The following DMRT1 variants were observed in gnomAD, a reference collection of about 807,000 sequenced individuals.
DMRT1 encodes the protein doublesex- and mab-3-related transcription factor 1.
Under a neutral mutation model 32.3 loss-of-function variants are expected in DMRT1, and 7 were observed. The ratio of observed to expected loss-of-function variants is 0.22; its 90% CI spans 0.12 to 0.41. DMRT1 has a LOEUF of 0.41. Ranked by LOEUF, DMRT1 falls within the 10% of genes least tolerant of loss-of-function variation. The pLI is 1.00. For synonymous variants in DMRT1, 278 were observed against 206.1 expected (o/e 1.35, Z -2.99); for missense variants, 625 against 500.5 (o/e 1.25, Z -2.37).
In DMRT1 at chr9:937,459, G is replaced by C. The variant is rs544904957; in HGVS notation, c.967+20552G>C. ...AGTGTCAGCATGATTTTACATTCCAGTCAGCAGTGCATGATGGTTCAACTT... is the reference window on the plus strand; with the variant it reads ...AGTGTCAGCATGATTTTACATTCCACTCAGCAGTGCATGATGGTTCAACTT... On this transcript the variant is annotated intron_variant, in intron 4 of 4. Transcript: ENST00000382276. Among the ~76,000 whole-genome samples, 5 of 152,348 alleles carry C rather than the reference G, an allele frequency of 3.3e-5. No individual in the cohort carries two copies. The South Asian group carries it at 1.0e-3, about 32-fold the overall frequency.
At chr9:919,461 G>T (rs565560106) in intron 4 of DMRT1, among the ~76,000 whole-genome samples, 1 of 152,108 alleles carries the variant, frequency 6.6e-6, no homozygotes, top group Non-Finnish European at 1.5e-5. Flanking sequence ...TCCTTTTGTC[G>T]TGTTACTGCT....
At chr9:849,085 C>T (rs1475317768) in intron 2 of DMRT1, among the ~76,000 whole-genome samples, 1 of 151,372 alleles carries the variant, frequency 6.6e-6, no homozygotes, top group African/African-American at 2.4e-5. Context: ...TTTTCACAAA[C>T]GTCTCAGGAG....
intron 3 of DMRT1, among the ~76,000 whole-genome samples, chr9:913,457 A>G (rs1201595721): frequency 2.0e-5 from 3 of 152,164 alleles, no homozygotes; most frequent in Admixed American, 1.3e-4. Context: ...GTAGATGGCA[A>G]CAGACCCCTG....
Position 919,288 on chromosome 9 carries a change from A to G in DMRT1, c.967+2381A>G, listed in dbSNP as rs553374292. Among the ~76,000 whole-genome samples, 217 of 152,146 alleles carry G rather than the reference A, an allele frequency of 1.4e-3. 1 individual carries two copies. Among genetic ancestry groups the G allele is most frequent in the African/African-American group, 5.0e-3 (208 of 41,496 alleles). On this transcript the variant is annotated intron_variant, in intron 4 of 4. Transcript: ENST00000382276. ...AAGTATAAATTTGCCCATTAAATCTATGTTCTTCAGTTTCTTTAAAAATAA... is the reference window on the plus strand; with the variant it reads ...AAGTATAAATTTGCCCATTAAATCTGTGTTCTTCAGTTTCTTTAAAAATAA...
Position 930,341 on chromosome 9 carries a change from T to C in DMRT1, c.967+13434T>C, listed in dbSNP as rs1441704160. The stretch of plus-strand genomic sequence containing the variant: ...CTGAATTCCTTGGCTCAAGTGATCC[T>C]CCTGCCTCAGCCTCTCAAGTAGATA... On this transcript the variant is annotated intron_variant, in intron 4 of 4. Coordinates refer to ENST00000382276, the MANE Select transcript of DMRT1 (RefSeq NM_021951.3). Among the ~76,000 whole-genome samples, 3 of 152,066 alleles carry C rather than the reference T, an allele frequency of 2.0e-5. No individual in the cohort carries two copies. The East Asian group carries it at 5.8e-4, about 29-fold the overall frequency.
intron 2 of DMRT1, among the ~76,000 whole-genome samples, chr9:859,805 G>T (rs1815574020): frequency 6.6e-6 from 1 of 152,154 alleles, no homozygotes; most frequent in African/African-American, 2.4e-5. Flanking sequence ...GGCAAGTTGT[G>T]AAAAGAAAAT....
chr9:966,796 A>C (rs143685635), intron 4 of DMRT1, among the ~76,000 whole-genome samples: 1 of 152,218 alleles, frequency 6.6e-6, no homozygotes, highest in African/African-American at 2.4e-5. Context: ...TCCAAACATA[A>C]TAAGTATTGA....
intron 2 of DMRT1, among the ~76,000 whole-genome samples, chr9:857,485 G>T (rs945383890): frequency 7.5e-4 from 114 of 152,160 alleles, no homozygotes; most frequent in African/African-American, 2.6e-3. Flanking sequence ...CTGTATTATT[G>T]GTTGGTAGAA....
chr9:874,499 C>G (rs1017909528), intron 2 of DMRT1, among the ~76,000 whole-genome samples: 2 of 152,114 alleles, frequency 1.3e-5, no homozygotes, highest in Admixed American at 6.6e-5. Flanking sequence ...ATGAGGCACA[C>G]ACAAGCCTTA....
intron 3 of DMRT1, 60 bp from the exon 4 acceptor site, chr9:916,703 T>G: frequency 5.7e-6 from 9 of 1,567,612 alleles, no homozygotes; most frequent in Non-Finnish European, 7.9e-6. Context: ...TAGATAATTA[T>G]TGTACTAGTT....
At position 894,018 on chromosome 9, in the gene DMRT1, G is replaced by T; in HGVS notation, c.645G>T (p.Gln215His). The T allele has an allele frequency of 6.2e-7, 1 of 1,614,212 alleles. No individual in the cohort carries two copies. Among genetic ancestry groups the T allele is most frequent in the Non-Finnish European group, 8.5e-7 (1 of 1,180,044 alleles). Residue 215 changes from glutamine (Q) to histidine (H), a missense_variant, in exon 3 of 5, where the codon CAG becomes CAT. Around this residue, in one of 3 missense-constraint regions of DMRT1, gnomAD observed 416 missense variants for 321.6 expected, o/e 1.29. Transcript: ENST00000382276. ...CCACCTACTACAGCAGCTTCTACCAGCCGTCTCTGTTTCCTTATTACAACA... is the reference window on the plus strand; with the variant it reads ...CCACCTACTACAGCAGCTTCTACCATCCGTCTCTGTTTCCTTATTACAACA... ...SDSTYYSSFY[Q>H]PSLFPYYNNL...
In DMRT1 at chr9:864,292, C is replaced by T. The variant is rs555691729; in HGVS notation, c.538+17149C>T. 1.9e-3 allele frequency among the ~76,000 whole-genome samples: 268 copies of T among 138,506 alleles called. 4 individuals are homozygous for T. Among genetic ancestry groups the T allele is most frequent in the Non-Finnish European group, 2.4e-3 (153 of 64,090 alleles). The allele number at this position is 138,506 out of a possible 152,430, so 90.9% of individuals were successfully genotyped here. On this transcript the variant is annotated intron_variant, in intron 2 of 4. Transcript: ENST00000382276. ...TGATCTCGGCTCACTGCAGCCTCTG[C>T]CTCTCAGGTTCAAGCGATTCTCCAC... is the stretch of plus-strand genomic sequence containing the variant.
At chr9:847,179 G>C (rs1185938578) in intron 2 of DMRT1, 36 bp downstream of exon 2, 18 of 1,604,664 alleles carry the variant, frequency 1.1e-5, no homozygotes, top group Non-Finnish European at 1.5e-5. Context: ...ATGGAGGCTG[G>C]GCATGAGGGA....
chr9:867,807 G>T (rs1164210046), intron 2 of DMRT1, among the ~76,000 whole-genome samples: 1 of 152,012 alleles, frequency 6.6e-6, no homozygotes. Context: ...GATGTCCAAG[G>T]CTCCCTTTGC....
intron 4 of DMRT1, among the ~76,000 whole-genome samples, chr9:951,901 T>A (rs1197000080): frequency 6.6e-6 from 1 of 152,212 alleles, no homozygotes; most frequent in Admixed American, 6.5e-5. Context: ...ACTTACTGAT[T>A]ATCTGCTCTC....
chr9:889,333 T>A (rs1027641804), intron 2 of DMRT1, among the ~76,000 whole-genome samples: 12 of 152,226 alleles, frequency 7.9e-5, no homozygotes, highest in African/African-American at 2.7e-4. Context: ...TGGTTAAACA[T>A]TTTAACAGCG....
At chr9:944,837 G>A (rs780770175) in intron 4 of DMRT1, among the ~76,000 whole-genome samples, 1 of 151,962 alleles carries the variant, frequency 6.6e-6, no homozygotes, top group Non-Finnish European at 1.5e-5. Context: ...TCAAACATAG[G>A]CACTATCGTG....
At chr9:903,021 C>T (rs142102727) in intron 3 of DMRT1, among the ~76,000 whole-genome samples, 2 of 152,184 alleles carry the variant, frequency 1.3e-5, no homozygotes, top group African/African-American at 4.8e-5. Flanking sequence ...TTAAAGCTGT[C>T]ATGTTCCCTG....
chr9:842,494 C>G (rs370876706), intron 1 of DMRT1: 30 of 388,866 alleles, frequency 7.7e-5, no homozygotes, highest in African/African-American at 5.8e-4. Context: ...CCTCGGCCTC[C>G]CAAAGTGCTG....
Sources: allele counts gnomAD v4.1 joint callset (sites outside exome capture counted in the v4.1 genomes callset), GRCh38; gene constraint gnomAD v4.1.1; regional missense constraint gnomAD v4.1.1; transcripts MANE v1.5; gene names NCBI Gene and HGNC (gene_info 2026-07-23, HGNC 2026-07-21).